Variants in RARB observed in about 807,000 individuals in gnomAD.
RARB encodes the protein HBV-activated protein.
RARB carries 17 observed loss-of-function variants against 51.9 expected under a neutral mutation model. The ratio of observed to expected loss-of-function variants is 0.33; its 90% confidence interval spans 0.22 to 0.49. The LOEUF (loss-of-function observed/expected upper bound fraction) is 0.49, where lower values mean the gene tolerates loss of function less well. Among genes scored for constraint, RARB ranks in the 20% least tolerant of loss-of-function variants. The probability of loss-of-function intolerance (pLI) is 0.99; values close to 1 mark genes in which losing one functional copy is unlikely to be tolerated. For missense variants in RARB, 369 were observed against 550.8 expected (o/e 0.67, Z 3.30); for synonymous variants, 215 against 195.4 (o/e 1.10, Z -0.84).
In RARB at chr3:24,887,990, A is replaced by G. The variant is rs142444152; in HGVS notation, c.-380+29238A>G. Among the ~76,000 whole-genome samples, 835 of 152,272 alleles carry G rather than the reference A, an allele frequency of 5.5e-3. 4 individuals carry two copies. Among genetic ancestry groups the G allele is most frequent in the Non-Finnish European group, 9.5e-3 (643 of 68,018 alleles). On this transcript the variant is annotated intron_variant, in intron 2 of 11. Transcript: ENST00000383772. ...TGTGACTAGCTGGTCTATCAGCAAC[A>G]TGTGAGTGCCCATGGCCTACATGCA... is the stretch of plus-strand genomic sequence containing the variant.
At chr3:25,289,037 C>T (rs572560678) in intron 5 of RARB, among the ~76,000 whole-genome samples, 1 of 152,222 alleles carries the variant, frequency 6.6e-6, no homozygotes, top group Non-Finnish European at 1.5e-5. Context: ...GCCACTGAGG[C>T]AACGCTTCAT....
chr3:25,109,738 G>A lies in RARB; in HGVS notation c.-327-22423G>A, dbSNP rs73047735. ...CAGGTTTGCTTCCCTTTCCGTGAGC[G>A]TTACGTCAGCCATGCTTCTTCATTC... is the stretch of plus-strand genomic sequence containing the variant. On this transcript the variant is annotated intron_variant, in intron 3 of 11. Transcript: ENST00000383772. 7.9e-3 allele frequency among the ~76,000 whole-genome samples: 1,203 copies of A among 152,232 alleles called. 4 individuals are homozygous for A. Among genetic ancestry groups the A allele is most frequent in the Middle Eastern group, 0.024 (7 of 292 alleles).
intron 2 of RARB, among the ~76,000 whole-genome samples, chr3:24,867,409 C>T (rs532332153): frequency 1.3e-4 from 20 of 152,226 alleles, no homozygotes; most frequent in African/African-American, 2.4e-4. Flanking sequence ...ATAATTTTTG[C>T]GAAGGCAGCC....
chr3:25,001,236 C>G (rs867060069), intron 2 of RARB, among the ~76,000 whole-genome samples: 6 of 152,008 alleles, frequency 3.9e-5, no homozygotes, highest in Non-Finnish European at 5.9e-5. Context: ...ATGTCTTTAA[C>G]CAAAATACAT....
chr3:25,341,020 G>T (rs1382773145), intron 5 of RARB, among the ~76,000 whole-genome samples: 2 of 152,144 alleles, frequency 1.3e-5, no homozygotes, highest in African/African-American at 4.8e-5. Flanking sequence ...AATAGGCGTT[G>T]TCTTTGCCTC....
intron 1 of RARB, among the ~76,000 whole-genome samples, chr3:24,857,363 C>G (rs1378169578): frequency 1.3e-5 from 2 of 152,092 alleles, no homozygotes; most frequent in Non-Finnish European, 2.9e-5. Flanking sequence ...GCTCGTTCAC[C>G]CAGAAACATT....
intron 4 of RARB, among the ~76,000 whole-genome samples, chr3:25,157,412 GT>G (rs972117174): frequency 6.2e-5 from 9 of 145,960 alleles, no homozygotes; most frequent in Non-Finnish European, 9.0e-5. Flanking sequence ...TGTTGTTTTT[GT>G]TTTTTTTTGA....
intron 3 of RARB, among the ~76,000 whole-genome samples, chr3:25,093,375 G>T (rs1489822260): frequency 6.6e-6 from 1 of 152,126 alleles, no homozygotes; most frequent in Non-Finnish European, 1.5e-5. Context: ...GCAGTGAAAA[G>T]ATCTGATCTG....
rs1699085602 is a variant in RARB, at chr3:25,085,292, GCATGAACTAAT to G, written c.-328+25120_-328+25130del. Among the ~76,000 whole-genome samples, 8 of 152,244 alleles carry G rather than the reference GCATGAACTAAT, an allele frequency of 5.3e-5. 1 individual carries two copies. The highest frequency in any genetic ancestry group is 5.2e-4 in the Admixed American group (8 of 15,296). On this transcript the variant is annotated intron_variant, in intron 3 of 11. Coordinates refer to the RARB transcript ENST00000383772. ...AAATGGTAACACATCCTACATTGAA[GCATGAACTAAT>G]CATTCTTAGGTTAGTCAACTTGTTT...
chr3:25,154,392 A>G (rs1050771735), intron 4 of RARB, among the ~76,000 whole-genome samples: 2 of 152,060 alleles, frequency 1.3e-5, no homozygotes, highest in Non-Finnish European at 2.9e-5. Context: ...CCCATGTCCA[A>G]TCTATGTCTT....
chr3:25,010,479 CAT>C (rs1697370745), intron 2 of RARB, among the ~76,000 whole-genome samples: 1 of 152,076 alleles, frequency 6.6e-6, no homozygotes, highest in Non-Finnish European at 1.5e-5. Flanking sequence ...AGTTATATAA[CAT>C]AATATTTACA....
At chr3:25,362,630 TG>T (rs1705980988) in intron 5 of RARB, among the ~76,000 whole-genome samples, 1 of 152,192 alleles carries the variant, frequency 6.6e-6, no homozygotes, top group South Asian at 2.1e-4. Flanking sequence ...TCCTGGTCTG[TG>T]GGTTGCAAAG....
intron 2 of RARB, among the ~76,000 whole-genome samples, chr3:25,044,997 C>T (rs893571543): frequency 1.3e-5 from 2 of 151,994 alleles, no homozygotes; most frequent in African/African-American, 4.8e-5. Context: ...TTTTTTTGTT[C>T]TACTTGGAGG....
intron 5 of RARB, among the ~76,000 whole-genome samples, chr3:25,259,492 A>G (rs548394174): frequency 2.6e-5 from 4 of 152,268 alleles, no homozygotes; most frequent in African/African-American, 9.6e-5. Flanking sequence ...CTGGATGTCA[A>G]TGTCCAAGGT....
At chr3:25,413,049 A>G (rs1368592171) in intron 5 of RARB, among the ~76,000 whole-genome samples, 3 of 151,976 alleles carry the variant, frequency 2.0e-5, no homozygotes, top group Non-Finnish European at 4.4e-5. Flanking sequence ...AGAAGAAGAA[A>G]GAAAAAATAT....
At chr3:25,214,276 A>C (rs1701767560) in intron 5 of RARB, among the ~76,000 whole-genome samples, 1 of 152,216 alleles carries the variant, frequency 6.6e-6, no homozygotes, top group Non-Finnish European at 1.5e-5. Context: ...TGGGTAAGAG[A>C]AGTTCTCTTT....
intron 3 of RARB, among the ~76,000 whole-genome samples, chr3:25,540,919 C>T (rs1007663064): frequency 2.0e-5 from 3 of 151,974 alleles, no homozygotes; most frequent in Non-Finnish European, 4.4e-5. Context: ...CATTTCTTAA[C>T]TCCTTGCATT....
intron 5 of RARB, among the ~76,000 whole-genome samples, chr3:25,378,968 T>G (rs2125477624): frequency 6.6e-6 from 1 of 152,342 alleles, no homozygotes; most frequent in South Asian, 2.1e-4. Context: ...ATCCTCTGTG[T>G]GATGGCATCT....
intron 1 of RARB, among the ~76,000 whole-genome samples, chr3:25,453,474 C>T (rs962554343): frequency 2.6e-5 from 4 of 151,682 alleles, no homozygotes; most frequent in Non-Finnish European, 4.4e-5. Context: ...CTTGAACTCC[C>T]GACCTCAGGT....
Sources: gnomAD v4.1 joint callset for allele counts (sites outside exome capture counted in the v4.1 genomes callset) on GRCh38, gnomAD v4.1.1 for gene constraint, MANE v1.5 for transcripts, NCBI Gene and HGNC (gene_info 2026-07-23, HGNC 2026-07-21) for gene names.